PNLIPRP1: variants seen among roughly 807,000 people sequenced by gnomAD.
The protein encoded by PNLIPRP1 is inactive pancreatic lipase-related protein 1.
In PNLIPRP1, 57 loss-of-function variants were observed where a neutral mutation model predicts 54.6. That is an observed-to-expected ratio of 1.04 (90% confidence interval 0.84 to 1.30). The LOEUF is 1.30. Ranked by LOEUF, PNLIPRP1 falls within the 50% of genes most tolerant of loss-of-function variation. The pLI is 0.00. For synonymous variants in PNLIPRP1, 232 were observed against 208.8 expected, an observed-to-expected ratio of 1.11 and a Z score of -0.96; for missense variants, 567 against 568.5, an observed-to-expected ratio of 1.00 and a Z score of 0.03.
Position 116,600,088 on chromosome 10 carries a change from A to G in PNLIPRP1, c.856A>G (p.Lys286Glu), listed in dbSNP as rs781969680. ...FVACNHLRSYKYYLESILNPD... is the reference protein window; with the variant it reads ...FVACNHLRSYEYYLESILNPD... ...GGCTTGCAATCACCTAAGAAGCTAC[A>G]AGTATTACTTGGAAAGCATCCTCAA... The change falls in exon 9 of 13, where the codon AAG becomes GAG. Residue 286 changes from lysine (K) to glutamate (E), a missense_variant. Physicochemically the swap from Lys to Glu is moderately conservative, Grantham distance 56 (BLOSUM62 1). Coordinates refer to ENST00000358834, the MANE Select transcript of PNLIPRP1 (RefSeq NM_006229.4). 6.2e-6 allele frequency: 10 copies of G among 1,614,086 alleles called. 1 individual carries two copies. The South Asian group carries it at 1.1e-4, about 18-fold the overall frequency.
chr10:116,600,630 G>A, intron 9 of PNLIPRP1: 1 of 173,854 alleles, frequency 5.8e-6, no homozygotes, highest in Non-Finnish European at 1.2e-5. Flanking sequence ...GTTAGAGCCT[G>A]CCTATTCTGG....
chr10:116,594,319 C>A (rs1173488582), intron 4 of PNLIPRP1: 2 of 515,832 alleles, frequency 3.9e-6, no homozygotes, highest in Admixed American at 3.9e-5. Flanking sequence ...TTTCCAGCAG[C>A]CTGGGGCATC....
intron 10 of PNLIPRP1, among the ~76,000 whole-genome samples, chr10:116,603,203 G>A (rs146452198): frequency 6.6e-6 from 1 of 152,266 alleles, no homozygotes; most frequent in African/African-American, 2.4e-5. Flanking sequence ...CCAGGGCCCT[G>A]GGGAGCAGAG....
rs1847813740 is a variant in PNLIPRP1 at position 116,600,393 on chromosome 10, A to G, written c.933+228A>G. On this transcript the variant is annotated intron_variant, in intron 9 of 12. Coordinates refer to ENST00000358834, the MANE Select transcript of PNLIPRP1 (RefSeq NM_006229.4). ...GCAGAGGAAAACTGGGAAATCAGAG[A>G]GAAAGAGCAGTCAATTCAATGATAT... The G allele has an allele frequency of 1.4e-5, 6 of 444,410 alleles. No individual in the cohort carries two copies. The East Asian group carries it at 2.4e-4, about 18-fold the overall frequency. 27.5% of individuals were successfully genotyped at this position (444,410 alleles called of 1,614,324 possible).
At chr10:116,600,426 T>C in intron 9 of PNLIPRP1, 1 of 343,642 alleles carries the variant, frequency 2.9e-6, no homozygotes, top group South Asian at 4.5e-5. Context: ...TATAGAGGCT[T>C]CCTGCAGGAG....
At position 116,596,097 on chromosome 10, in the gene PNLIPRP1, TC is replaced by T. The variant is rs1847729894; in HGVS notation, c.466-115del. On this transcript the variant is annotated intron_variant, in intron 5 of 12. Transcript: ENST00000358834. Reference sequence around the variant, plus strand: ...GCCTTCAGAATGAGTTTGGGCTTGATCCTGAAGGCAATGAGAGGCATGGAAG... The same window carrying T: ...GCCTTCAGAATGAGTTTGGGCTTGATCTGAAGGCAATGAGAGGCATGGAAG... The T allele has an allele frequency of 1.8e-5, 13 of 721,022 alleles. No homozygotes were observed. In the South Asian group the frequency reaches 2.0e-4, roughly 11 times the overall value. 44.7% of individuals were successfully genotyped at this position (721,022 alleles called of 1,614,324 possible).
intron 9 of PNLIPRP1, 144 bp from the exon 10 acceptor site, chr10:116,600,928 A>G: frequency 3.0e-6 from 2 of 670,262 alleles, no homozygotes; most frequent in South Asian, 5.1e-5. Context: ...GATGAAGGTA[A>G]TTTAGAGATC....
chr10:116,600,934 A>T, intron 9 of PNLIPRP1, 138 bp from the exon 10 acceptor site: 1 of 690,826 alleles, frequency 1.4e-6, no homozygotes, highest in Non-Finnish European at 2.4e-6. Context: ...GGTAATTTAG[A>T]GATCATCTGC....
rs1847894701 is a variant in PNLIPRP1 at position 116,604,066 on chromosome 10, G to A, written c.1100G>A (p.Arg367Lys). 1 of 1,613,610 alleles carries A rather than the reference G, an allele frequency of 6.2e-7. No homozygotes were observed. The highest frequency in any genetic ancestry group is 8.5e-7 in the Non-Finnish European group (1 of 1,179,726). ...RYGVSITLSGRTATGQIKVAL... is the reference protein window; with the variant it reads ...RYGVSITLSGKTATGQIKVAL... ...GGGGTTTCCATCACACTGTCTGGAAGAACAGCCACTGGTCAGATCAAAGTT... is the reference window on the plus strand; with the variant it reads ...GGGGTTTCCATCACACTGTCTGGAAAAACAGCCACTGGTCAGATCAAAGTT... The change falls in exon 11 of 13, where the codon AGA becomes AAA. Residue 367 changes from arginine to lysine, a missense_variant. By Grantham distance (26) the Arg-to-Lys change is conservative (BLOSUM62 2). Coordinates refer to ENST00000358834, the MANE Select transcript of PNLIPRP1 (RefSeq NM_006229.4).
intron 9 of PNLIPRP1, 82 bp downstream of exon 9, chr10:116,600,247 C>T (rs1360072672): frequency 4.3e-5 from 37 of 860,206 alleles, no homozygotes; most frequent in Non-Finnish European, 6.3e-5. Flanking sequence ...TTTGCAATGC[C>T]TTCTCACTAC....
At chr10:116,599,979 A>G in intron 8 of PNLIPRP1, 68 bp from the exon 9 acceptor site, 1 of 942,848 alleles carries the variant, frequency 1.1e-6, no homozygotes, top group Non-Finnish European at 1.7e-6. Flanking sequence ...TCCCATTTGG[A>G]GAGAGAGGCA....
chr10:116,608,976 C>A lies in PNLIPRP1; in HGVS notation c.1341-77C>A, dbSNP rs987959732. The A allele has an allele frequency of 3.4e-5, 40 of 1,183,368 alleles. No individual in the cohort carries two copies. In the African/African-American group the frequency reaches 3.5e-4, roughly 10 times the overall value. The allele number at this position is 1,183,368 out of a possible 1,614,324, so 73.3% of individuals were successfully genotyped here. ...TTAAGAAAAACCAAACCAAACCAAA[C>A]CAAACCAAAACAAAACAAAACACCT... is the stretch of plus-strand genomic sequence containing the variant. On this transcript the variant is annotated intron_variant, in intron 12 of 12. Transcript: ENST00000358834.
At chr10:116,594,697 A>G (rs1554863692) in intron 4 of PNLIPRP1, 33 bp from the exon 5 acceptor site, 3 of 1,613,124 alleles carry the variant, frequency 1.9e-6, no homozygotes, top group Admixed American at 3.3e-5. Flanking sequence ...TGCTCCCATT[A>G]TCTCCCCAAC....
Position 116,591,786 on chromosome 10 carries a change from A to G in PNLIPRP1, c.65A>G (p.Tyr22Cys), listed in dbSNP as rs782360363. The change falls in exon 3 of 13, where the codon TAT becomes TGT. Residue 22 changes from tyrosine (Y) to cysteine (C), a missense_variant. Physicochemically the swap from Tyr to Cys is radical, Grantham distance 194. Transcript: ENST00000358834. ...TTCTCTGTAGGAAAAGAAGTTTGCT[A>G]TGAGGACCTCGGGTGCTTTTCTGAC... ...LGAAKGKEVCYEDLGCFSDTE... is the reference protein window; with the variant it reads ...LGAAKGKEVCCEDLGCFSDTE... 8 of 1,614,176 alleles carry G rather than the reference A, an allele frequency of 5.0e-6. No homozygotes were observed. The highest frequency in any genetic ancestry group is 2.2e-5 in the East Asian group (1 of 44,880).
chr10:116,592,442 A>T lies in PNLIPRP1; in HGVS notation c.231A>T (p.Thr77=). Residue 77 remains threonine (T), a synonymous_variant, in exon 4 of 13, where the codon ACA becomes ACT. Transcript: ENST00000358834. ...FQILLLSDPS[T]IEASNFQMDR... is the part of the protein sequence containing the mutation. ...TTCTCCTCCTCTCTGATCCATCAAC[A>T]ATTGAGGCATCAAATTTTCAAATGG... The T allele has an allele frequency of 6.2e-7, 1 of 1,612,662 alleles. No homozygotes were observed. The highest frequency in any genetic ancestry group is 8.5e-7 in the Non-Finnish European group (1 of 1,178,926).
intron 8 of PNLIPRP1, 92 bp from the exon 9 acceptor site, chr10:116,599,955 C>A: frequency 1.3e-6 from 1 of 776,444 alleles, no homozygotes; most frequent in Non-Finnish European, 2.2e-6. Context: ...AAATACGGTC[C>A]TACTTTGGAA....
chr10:116,597,897 A>T lies in PNLIPRP1; in HGVS notation c.644A>T (p.Asp215Val), dbSNP rs1296946376. ...EEVRLDPSDA[D>V]FVDVIHTDAA... Reference sequence around the variant, plus strand: ...GTGCGACTTGATCCCTCTGATGCTGACTTTGTTGATGTGATTCACACGGAT... The same window carrying T: ...GTGCGACTTGATCCCTCTGATGCTGTCTTTGTTGATGTGATTCACACGGAT... The change falls in exon 7 of 13, where the codon GAC becomes GTC. Residue 215 changes from aspartate to valine, a missense_variant. Physicochemically the swap from Asp to Val is radical, Grantham distance 152. Coordinates refer to ENST00000358834, the MANE Select transcript of PNLIPRP1 (RefSeq NM_006229.4). 2 of 1,614,194 alleles carry T rather than the reference A, an allele frequency of 1.2e-6. No individual in the cohort carries two copies. The highest frequency in any genetic ancestry group is 4.5e-5 in the East Asian group (2 of 44,878).
intron 11 of PNLIPRP1, 62 bp from the exon 12 acceptor site, chr10:116,605,324 C>A: frequency 1.2e-6 from 1 of 846,634 alleles, no homozygotes; most frequent in Non-Finnish European, 1.8e-6. Flanking sequence ...AGCAGCCTGG[C>A]ATTGTATGGT....
At chr10:116,600,745 G>A (rs1554864658) in intron 9 of PNLIPRP1, among the ~76,000 whole-genome samples, 2 of 152,166 alleles carry the variant, frequency 1.3e-5, no homozygotes, top group East Asian at 3.9e-4. Flanking sequence ...CACTGAAAAT[G>A]GTAAGCACTG....
Sources: gnomAD v4.1 joint callset for allele counts (sites outside exome capture counted in the v4.1 genomes callset) on GRCh38, gnomAD v4.1.1 for gene constraint, MANE v1.5 for transcripts, NCBI Gene and HGNC (gene_info 2026-07-23, HGNC 2026-07-21) for gene names.